COP1: variants seen among roughly 807,000 people sequenced by gnomAD.
COP1 encodes COP1 E3 ubiquitin ligase.
COP1 carries 24 observed loss-of-function variants against 101.3 expected under a neutral mutation model. The observed-to-expected ratio is 0.24, with a 90% CI of 0.17 to 0.33. The LOEUF is 0.33. Among genes scored for constraint, COP1 ranks in the 10% least tolerant of loss-of-function variants. COP1 has a pLI of 1.00. For missense variants in COP1, 663 were observed against 906.2 expected (o/e 0.73, Z 3.45); for synonymous variants, 347 against 341.9 (o/e 1.01, Z -0.17).
chr1:176,124,348 T>A (rs953578699), intron 8 of COP1, among the ~76,000 whole-genome samples: 2 of 152,062 alleles, frequency 1.3e-5, no homozygotes, highest in African/African-American at 4.8e-5. Context: ...TATCAAATAC[T>A]AGATCTTATT....
At chr1:176,155,619 G>A (rs990820015) in intron 5 of COP1, among the ~76,000 whole-genome samples, 16 of 151,710 alleles carry the variant, frequency 1.1e-4, no homozygotes, top group East Asian at 1.9e-4. Context: ...GAATTTGTTC[G>A]CTGCCAAAAA....
At chr1:176,000,139 T>C (rs1287011420) in intron 15 of COP1, among the ~76,000 whole-genome samples, 1 of 152,124 alleles carries the variant, frequency 6.6e-6, no homozygotes, top group Non-Finnish European at 1.5e-5. Context: ...CCATTTTTGC[T>C]TTGGCTGCTT....
intron 18 of COP1, among the ~76,000 whole-genome samples, chr1:175,976,096 C>CA (rs1654472562): frequency 1.3e-5 from 2 of 151,768 alleles, no homozygotes; most frequent in Admixed American, 1.3e-4. Flanking sequence ...CTTTACAAAA[C>CA]AAAAAACTTT....
chr1:176,109,887 AAAT>A (rs1684978870), intron 9 of COP1, among the ~76,000 whole-genome samples: 2 of 152,180 alleles, frequency 1.3e-5, no homozygotes, highest in South Asian at 4.1e-4. Context: ...CCTCTTGGAT[AAAT>A]AATAAGTTCA....
rs1252522420 is a variant in COP1, at chr1:175,998,072, A to G, written c.1730-8593T>C. Reference sequence around the variant, plus strand: ...AAACTTAGAGTATAATTAAAAAAAAAAAAAAAAAAAAAAAAAAAGAAAATG... The same window carrying G: ...AAACTTAGAGTATAATTAAAAAAAAGAAAAAAAAAAAAAAAAAAGAAAATG... On this transcript the variant is annotated intron_variant, in intron 15 of 19. Coordinates refer to ENST00000367669, the MANE Select transcript of COP1 (RefSeq NM_022457.7). 4.9e-5 allele frequency among the ~76,000 whole-genome samples: 7 copies of G among 142,064 alleles called. No homozygotes were observed. In the East Asian group the frequency reaches 1.4e-3, roughly 28 times the overall value. The allele number at this position is 142,064 out of a possible 152,430, so 93.2% of individuals were successfully genotyped here.
intron 17 of COP1, 74 bp downstream of exon 17, chr1:175,988,214 T>C (rs1272659979): frequency 5.7e-6 from 8 of 1,400,922 alleles, no homozygotes; most frequent in African/African-American, 1.4e-5. Context: ...TTAGTATTTA[T>C]TCTATTTCCA....
At position 176,061,090 on chromosome 1, in the gene COP1, T is replaced by C. The variant is rs146759289; in HGVS notation, c.1278-14766A>G. The stretch of plus-strand genomic sequence containing the variant: ...TAAAACTACAGTAATCATGACAGTA[T>C]GGTACTGGCCTAAGAGGAGACATAC... On this transcript the variant is annotated intron_variant, in intron 11 of 19. Coordinates refer to ENST00000367669, the MANE Select transcript of COP1 (RefSeq NM_022457.7). Among the ~76,000 whole-genome samples the C allele has an allele frequency of 3.0e-3, 454 of 152,272 alleles. 2 individuals are homozygous for C. Among genetic ancestry groups the C allele is most frequent in the African/African-American group, 0.01 (427 of 41,542 alleles).
At chr1:176,137,162 T>G (rs1689937550) in intron 6 of COP1, among the ~76,000 whole-genome samples, 1 of 152,180 alleles carries the variant, frequency 6.6e-6, no homozygotes, top group African/African-American at 2.4e-5. Context: ...AAAAACATAT[T>G]TGAGTTAGTA....
intron 15 of COP1, among the ~76,000 whole-genome samples, chr1:175,991,232 C>T (rs1658355265): frequency 6.6e-6 from 1 of 152,152 alleles, no homozygotes; most frequent in Non-Finnish European, 1.5e-5. Flanking sequence ...TAGACTACTA[C>T]ACACTTAGGT....
chr1:175,946,875 G>A (rs1649240018), intron 19 of COP1, among the ~76,000 whole-genome samples: 1 of 152,186 alleles, frequency 6.6e-6, no homozygotes, highest in Non-Finnish European at 1.5e-5. Context: ...TCTACTGAAA[G>A]CCCTGTGGGA....
At chr1:176,192,784 T>C (rs571879961) in intron 1 of COP1, among the ~76,000 whole-genome samples, 2 of 152,322 alleles carry the variant, frequency 1.3e-5, no homozygotes, top group South Asian at 2.1e-4. Flanking sequence ...TTTCATTAGA[T>C]AGTATCCCCA....
Position 175,986,935 on chromosome 1 carries a change from A to G in COP1, c.2133+8T>C. 1.3e-6 allele frequency: 2 copies of G among 1,573,732 alleles called. No individual in the cohort carries two copies. Among genetic ancestry groups the G allele is most frequent in the Non-Finnish European group, 8.6e-7 (1 of 1,165,276 alleles). On this transcript the variant is annotated splice_region_variant and intron_variant, in intron 18 of 19. Transcript: ENST00000367669. The stretch of plus-strand genomic sequence containing the variant: ...TCCCAAGGTGAAAAAACTGATATGA[A>G]AACTTACCCCATCTGGTAGTGCCCT...
At position 176,170,190 on chromosome 1, in the gene COP1, G is replaced by A. The variant is rs148245659; in HGVS notation, c.565+5720C>T. ...TGAACCCTTCAAAGTCATCCATGACGGCTGGAATCAACTTCCACCAAACTC... is the reference window on the plus strand; with the variant it reads ...TGAACCCTTCAAAGTCATCCATGACAGCTGGAATCAACTTCCACCAAACTC... On this transcript the variant is annotated intron_variant, in intron 3 of 19. Coordinates refer to ENST00000367669, the MANE Select transcript of COP1 (RefSeq NM_022457.7). Among the ~76,000 whole-genome samples, 399 of 152,158 alleles carry A rather than the reference G, an allele frequency of 2.6e-3. 3 individuals carry two copies. The highest frequency in any genetic ancestry group is 9.2e-3 in the African/African-American group (381 of 41,502).
intron 18 of COP1, among the ~76,000 whole-genome samples, chr1:175,949,005 T>C (rs917789108): frequency 6.6e-6 from 1 of 151,106 alleles, no homozygotes; most frequent in Non-Finnish European, 1.5e-5. Flanking sequence ...TCTACTAAAA[T>C]ACAAAAAATT....
chr1:175,980,841 AAAC>A (rs1195633626), intron 18 of COP1, among the ~76,000 whole-genome samples: 14 of 152,294 alleles, frequency 9.2e-5, no homozygotes, highest in African/African-American at 3.1e-4. Flanking sequence ...AGAGCTGACA[AAAC>A]AATAATAGGG....
At chr1:176,124,482 A>G (rs1687703652) in intron 8 of COP1, among the ~76,000 whole-genome samples, 1 of 151,100 alleles carries the variant, frequency 6.6e-6, no homozygotes, top group Non-Finnish European at 1.5e-5. Flanking sequence ...CACGAGTTCA[A>G]TTGATTTTTA....
chr1:175,948,818 TTG>T (rs1649493698), intron 18 of COP1, among the ~76,000 whole-genome samples: 1 of 152,142 alleles, frequency 6.6e-6, no homozygotes, highest in Admixed American at 6.5e-5. Context: ...ATGGGAATTG[TTG>T]ATCTTTTCCT....
At chr1:176,023,863 C>A (rs926132382) in intron 15 of COP1, among the ~76,000 whole-genome samples, 1 of 152,054 alleles carries the variant, frequency 6.6e-6, no homozygotes, top group Admixed American at 6.6e-5. Flanking sequence ...GAAAATAATG[C>A]CAATTCTTCA....
intron 9 of COP1, among the ~76,000 whole-genome samples, chr1:176,114,809 G>A (rs970947456): frequency 6.6e-6 from 1 of 151,586 alleles, no homozygotes; most frequent in African/African-American, 2.4e-5. Context: ...GCTATATTAG[G>A]GTAATTCTTA....
Sources: gnomAD v4.1 joint callset for allele counts (sites outside exome capture counted in the v4.1 genomes callset) on GRCh38, gnomAD v4.1.1 for gene constraint, MANE v1.5 for transcripts, NCBI Gene and HGNC (gene_info 2026-07-23, HGNC 2026-07-21) for gene names.